CBR4: variants seen among roughly 807,000 people sequenced by gnomAD.
CBR4 encodes 3-oxoacyl-[acyl-carrier-protein] reductase.
In CBR4, 22 loss-of-function variants were observed where a neutral mutation model predicts 21.0. The observed-to-expected ratio is 1.05, with a 90% CI of 0.75 to 1.50. The LOEUF (loss-of-function observed/expected upper bound fraction) is 1.50. Among genes scored for constraint, CBR4 ranks in the 40% most tolerant of loss-of-function variants. The probability of loss-of-function intolerance (pLI) is 0.00; values close to 1 mark genes in which losing one functional copy is unlikely to be tolerated. For synonymous variants in CBR4, 100 were observed against 104.4 expected (o/e 0.96, Z 0.26); for missense variants, 302 against 286.3 (o/e 1.05, Z -0.40).
chr4:168,971,651 G>T (rs1764213938), intron 2 of CBR4, among the ~76,000 whole-genome samples: 1 of 151,824 alleles, frequency 6.6e-6, no homozygotes, highest in Non-Finnish European at 1.5e-5. Flanking sequence ...AGGATTATTT[G>T]TTTTTTTCTT....
chr4:168,899,546 G>A (rs1755997798), intron 2 of CBR4, among the ~76,000 whole-genome samples: 1 of 152,168 alleles, frequency 6.6e-6, no homozygotes, highest in South Asian at 2.1e-4. Flanking sequence ...AATATGTGAA[G>A]AAATAACCAT....
chr4:168,920,658 A>T (rs757738150), intron 2 of CBR4, among the ~76,000 whole-genome samples: 3 of 152,172 alleles, frequency 2.0e-5, no homozygotes, highest in East Asian at 1.9e-4. Flanking sequence ...TCTGGTCCAC[A>T]CAACTGTCAA....
chr4:168,928,727 C>T (rs1365123719), intron 2 of CBR4, among the ~76,000 whole-genome samples: 2 of 151,906 alleles, frequency 1.3e-5, no homozygotes, highest in Admixed American at 6.5e-5. Context: ...GCCAGGAGCT[C>T]TCTCTCTCAG....
At chr4:168,914,219 A>C in intron 2 of CBR4, 1 of 597,584 alleles carries the variant, frequency 1.7e-6, no homozygotes, top group East Asian at 2.9e-5. Context: ...AACATTCGCT[A>C]ATGTGTGCTA....
downstream of CBR4, among the ~76,000 whole-genome samples, chr4:168,985,923 G>C (rs930081614): frequency 6.6e-6 from 1 of 152,132 alleles, no homozygotes; most frequent in African/African-American, 2.4e-5. Context: ...GAGGGTGGGA[G>C]GATGGAGAAG....
chr4:168,960,370 C>T (rs183656403), intron 2 of CBR4, among the ~76,000 whole-genome samples: 24 of 152,210 alleles, frequency 1.6e-4, no homozygotes, highest in Admixed American at 9.1e-4. Flanking sequence ...ACAAATACTA[C>T]ATAAGCTCAC....
rs1764766323 is a variant in CBR4, at chr4:168,988,388, T to C, written c.*1762A>G. ...TCTTAATGTCAGCAAAACATACTGC[T>C]TTCTACCCAAATCACCAATTGAATC... On this transcript the variant is annotated 3_prime_UTR_variant, in exon 5 of 5. Transcript: ENST00000306193. The C allele has an allele frequency of 1.0e-6, 1 of 985,474 alleles. No individual in the cohort carries two copies. Among genetic ancestry groups the C allele is most frequent in the African/African-American group, 1.7e-5 (1 of 57,372 alleles). 61.0% of individuals were successfully genotyped at this position (985,474 alleles called of 1,614,324 possible).
intron 2 of CBR4, chr4:168,926,151 T>C: frequency 7.7e-7 from 1 of 1,306,122 alleles, no homozygotes; most frequent in African/African-American, 1.5e-5. Context: ...TTATTTGAAA[T>C]ATCTAAAGGC....
At chr4:168,965,715 T>C (rs1764003126) in intron 2 of CBR4, among the ~76,000 whole-genome samples, 1 of 152,242 alleles carries the variant, frequency 6.6e-6, no homozygotes, top group African/African-American at 2.4e-5. Context: ...AAGCTGAAAC[T>C]GGATCCTTTC....
chr4:168,895,165 C>T (rs987102662), intron 2 of CBR4, among the ~76,000 whole-genome samples: 5 of 152,020 alleles, frequency 3.3e-5, no homozygotes, highest in East Asian at 1.9e-4. Flanking sequence ...GGGTGGATCA[C>T]GAGGTCAGGA....
At chr4:168,976,691 C>G (rs749200167) in intron 2 of CBR4, among the ~76,000 whole-genome samples, 3 of 151,972 alleles carry the variant, frequency 2.0e-5, no homozygotes, top group Non-Finnish European at 4.4e-5. Flanking sequence ...GAGGGTGTAT[C>G]ATACGAAGTA....
At chr4:169,003,557 A>C (rs1324534143) in intron 3 of CBR4, among the ~76,000 whole-genome samples, 1 of 152,240 alleles carries the variant, frequency 6.6e-6, no homozygotes, top group Non-Finnish European at 1.5e-5. Flanking sequence ...GCAGGGATTG[A>C]GAGGAGTGGC....
chr4:168,936,619 C>T (rs549562572), intron 2 of CBR4, among the ~76,000 whole-genome samples: 6 of 152,080 alleles, frequency 3.9e-5, no homozygotes, highest in Admixed American at 1.3e-4. Flanking sequence ...AAACACAGCA[C>T]GAGAACTTCG....
intron 2 of CBR4, among the ~76,000 whole-genome samples, chr4:168,982,213 G>A (rs1036604015): frequency 5.9e-5 from 9 of 152,154 alleles, no homozygotes; most frequent in African/African-American, 2.2e-4. Flanking sequence ...AAAGTTAAGG[G>A]ATGGAAGAAA....
chr4:169,003,719 C>T (rs1453986673), intron 3 of CBR4, among the ~76,000 whole-genome samples: 1 of 152,086 alleles, frequency 6.6e-6, no homozygotes, highest in Non-Finnish European at 1.5e-5. Flanking sequence ...CAATGACAGA[C>T]TGGATTAAGA....
At chr4:168,920,032 G>C (rs1391966400) in intron 2 of CBR4, among the ~76,000 whole-genome samples, 1 of 152,152 alleles carries the variant, frequency 6.6e-6, no homozygotes, top group Non-Finnish European at 1.5e-5. Flanking sequence ...GTCAGTAGAT[G>C]GCTTATCTAG....
At chr4:168,926,120 A>T (rs1762542192) in intron 2 of CBR4, 2 of 1,073,050 alleles carry the variant, frequency 1.9e-6, no homozygotes, top group East Asian at 2.6e-5. Context: ...GGTGCCTTGC[A>T]TCTATCTAGA....
Position 168,977,590 on chromosome 4 carries a change from GT to G in CBR4, n.169+24480del, listed in dbSNP as rs151193100. The stretch of plus-strand genomic sequence containing the variant: ...CCATTCCTTATTGCTCAAAACTTTA[GT>G]AACTGTTTCTACACAGATGATATAT... On this transcript the variant is annotated intron_variant and non_coding_transcript_variant, in intron 2 of 3. Transcript: ENST00000509108. Among the ~76,000 whole-genome samples the G allele has an allele frequency of 8.0e-3, 1,220 of 152,228 alleles. 14 individuals carry two copies. The highest frequency in any genetic ancestry group is 0.028 in the African/African-American group (1,170 of 41,514).
At chr4:168,941,631 G>A (rs552615544) in intron 2 of CBR4, among the ~76,000 whole-genome samples, 2 of 152,286 alleles carry the variant, frequency 1.3e-5, no homozygotes, top group African/African-American at 4.8e-5. Flanking sequence ...AGATCCTTAA[G>A]GAATCACCAC....
Sources: allele counts gnomAD v4.1 joint callset (sites outside exome capture counted in the v4.1 genomes callset), GRCh38; gene constraint gnomAD v4.1.1; transcripts MANE v1.5; gene names NCBI Gene and HGNC (gene_info 2026-07-23, HGNC 2026-07-21).